THSD7A: variants seen among roughly 807,000 people sequenced by gnomAD.
THSD7A encodes the protein thrombospondin type-1 domain-containing protein 7A.
THSD7A carries 96 observed loss-of-function variants against 231.3 expected under a neutral mutation model. That is an observed-to-expected ratio of 0.41 (90% CI 0.35 to 0.49). The LOEUF is 0.49. THSD7A is among the 20% of genes least tolerant of loss of function. The pLI is 0.05. For missense variants in THSD7A, 2,290 were observed against 2,070.2 expected, an observed-to-expected ratio of 1.11 and a Z score of -2.06; for synonymous variants, 940 against 743.3, an observed-to-expected ratio of 1.26 and a Z score of -4.30.
At chr7:11,688,358 C>T (rs1780126696) in intron 1 of THSD7A, among the ~76,000 whole-genome samples, 1 of 151,784 alleles carries the variant, frequency 6.6e-6, no homozygotes, top group African/African-American at 2.4e-5. Context: ...TGGGGCCCAA[C>T]AATCAATACT....
intron 1 of THSD7A, among the ~76,000 whole-genome samples, chr7:11,745,155 T>G (rs1225181879): frequency 6.6e-6 from 1 of 152,160 alleles, no homozygotes; most frequent in Non-Finnish European, 1.5e-5. Flanking sequence ...TGAGATGGTA[T>G]CTCATTGTGG....
At position 11,383,558 on chromosome 7, in the gene THSD7A, T is replaced by C. The variant is rs140880242; in HGVS notation, c.4412-942A>G. On this transcript the variant is annotated intron_variant, in intron 23 of 27. Transcript: ENST00000423059. Reference sequence around the variant, plus strand: ...AGGTGACAATTTACAAATCCATCAGTAGTGCATAAAGACTGCCATTGCTCT... The same window carrying C: ...AGGTGACAATTTACAAATCCATCAGCAGTGCATAAAGACTGCCATTGCTCT... Among the ~76,000 whole-genome samples the C allele has an allele frequency of 1.8e-3, 271 of 152,088 alleles. 1 individual carries two copies. The highest frequency in any genetic ancestry group is 0.01 in the Middle Eastern group (3 of 294).
intron 23 of THSD7A, among the ~76,000 whole-genome samples, chr7:11,390,551 G>A (rs1349793754): frequency 6.6e-6 from 1 of 152,180 alleles, no homozygotes; most frequent in African/African-American, 2.4e-5. Flanking sequence ...GTTAGAACAT[G>A]CTCTTTTAGC....
chr7:11,821,316 GT>G, intron 1 of THSD7A: 2 of 779,448 alleles, frequency 2.6e-6, no homozygotes, highest in South Asian at 2.7e-5. Flanking sequence ...CAACAGTTTT[GT>G]TCTTAATTTC....
At chr7:11,717,743 T>G (rs758873143) in intron 1 of THSD7A, among the ~76,000 whole-genome samples, 16 of 151,656 alleles carry the variant, frequency 1.1e-4, no homozygotes, top group Non-Finnish European at 1.9e-4. Context: ...GATTCTTGTC[T>G]CTTGCTTGGT....
chr7:11,424,850 A>G, intron 15 of THSD7A, 21 bp from the exon 16 acceptor site: 1 of 1,612,198 alleles, frequency 6.2e-7, no homozygotes, highest in Non-Finnish European at 8.5e-7. Flanking sequence ...CATGGTTCTC[A>G]GCAATCTCAG....
intron 6 of THSD7A, among the ~76,000 whole-genome samples, chr7:11,518,533 T>C (rs569458548): frequency 4.7e-4 from 72 of 151,954 alleles, no homozygotes; most frequent in African/African-American, 1.7e-3. Flanking sequence ...GTAAACGAGG[T>C]AAGACAAGAA....
In THSD7A at chr7:11,431,351, T is replaced by C. The variant is rs540075244; in HGVS notation, c.3065-2226A>G. Among the ~76,000 whole-genome samples, 69 of 152,294 alleles carry C rather than the reference T, an allele frequency of 4.5e-4. 1 individual carries two copies. The highest frequency in any genetic ancestry group is 1.7e-3 in the African/African-American group (69 of 41,582). On this transcript the variant is annotated intron_variant, in intron 13 of 27. Transcript: ENST00000423059. Reference sequence around the variant, plus strand: ...TTTAGCTCTTATATTTAGGTGTATGTTTCATTTTGAGTGAATTTTTGTTTA... The same window carrying C: ...TTTAGCTCTTATATTTAGGTGTATGCTTCATTTTGAGTGAATTTTTGTTTA...
intron 1 of THSD7A, among the ~76,000 whole-genome samples, chr7:11,713,785 C>T (rs1014224040): frequency 2.0e-5 from 3 of 151,174 alleles, no homozygotes; most frequent in African/African-American, 7.3e-5. Context: ...TCTCTTGTCA[C>T]TTAAACTGCA....
At chr7:11,613,109 G>A (rs192971452) in intron 2 of THSD7A, among the ~76,000 whole-genome samples, 2 of 152,306 alleles carry the variant, frequency 1.3e-5, no homozygotes, top group East Asian at 1.9e-4. Context: ...GAGTGTTAGA[G>A]GTGGGAAATA....
chr7:11,444,637 A>T lies in THSD7A; in HGVS notation c.3064+1424T>A, dbSNP rs2128293958. ...GGCAGTGGAGGGATAGCATCAGGAG[A>T]AATACCTAATGTAGATGACGGGTTG... On this transcript the variant is annotated intron_variant, in intron 13 of 27. Coordinates refer to ENST00000423059, the MANE Select transcript of THSD7A (RefSeq NM_015204.3). The surrounding 1 kb of genome is among the most constrained non-coding windows in gnomAD (Gnocchi z 4.2). 6.6e-6 allele frequency among the ~76,000 whole-genome samples: 1 copy of T among 151,876 alleles called. No homozygotes were observed. Among genetic ancestry groups the T allele is most frequent in the East Asian group, 1.9e-4 (1 of 5,130 alleles).
rs1175355781 is a variant in THSD7A at position 11,474,682 on chromosome 7, C to T, written c.2018-114G>A. The stretch of plus-strand genomic sequence containing the variant: ...AATAAAAAGTGACTTTTCTTCCCCA[C>T]ATCAAGTTCATAAATACACGCAATA... On this transcript the variant is annotated intron_variant, in intron 7 of 27. Transcript: ENST00000423059. The surrounding 1 kb of genome is among the most constrained non-coding windows in gnomAD (Gnocchi z 4.1). 2 of 786,026 alleles carry T rather than the reference C, an allele frequency of 2.5e-6. No homozygotes were observed. Among genetic ancestry groups the T allele is most frequent in the East Asian group, 2.7e-5 (1 of 36,470 alleles). The allele number at this position is 786,026 out of a possible 1,614,324, so 48.7% of individuals were successfully genotyped here.
At chr7:11,546,474 A>G (rs912811637) in intron 4 of THSD7A, among the ~76,000 whole-genome samples, 2 of 152,132 alleles carry the variant, frequency 1.3e-5, no homozygotes, top group Non-Finnish European at 2.9e-5. Flanking sequence ...GCCACCTGAA[A>G]TCACCCGGAA....
chr7:11,524,106 T>C (rs114389366), intron 6 of THSD7A, among the ~76,000 whole-genome samples: 1,967 of 152,276 alleles, frequency 0.013, 46 homozygotes, highest in African/African-American at 0.045. Flanking sequence ...TCCCATCAAT[T>C]TGTATTTCTT....
chr7:11,387,864 T>C (rs1254385235), intron 23 of THSD7A, among the ~76,000 whole-genome samples: 1 of 151,876 alleles, frequency 6.6e-6, no homozygotes, highest in African/African-American at 2.4e-5. Flanking sequence ...ATAGCTCTTA[T>C]TATTTTGAGA....
chr7:11,448,072 C>G (rs1194631237), intron 11 of THSD7A, among the ~76,000 whole-genome samples: 1 of 152,106 alleles, frequency 6.6e-6, no homozygotes, highest in African/African-American at 2.4e-5. Flanking sequence ...CCTCTTTCTA[C>G]AAGTTCTTCA....
chr7:11,534,283 C>T (rs757152647), intron 6 of THSD7A, among the ~76,000 whole-genome samples: 3 of 152,156 alleles, frequency 2.0e-5, no homozygotes, highest in Non-Finnish European at 2.9e-5. Context: ...TTTTCCTACT[C>T]ATTAAATCTG....
intron 11 of THSD7A, among the ~76,000 whole-genome samples, chr7:11,449,030 A>G (rs1785062843): frequency 6.6e-6 from 1 of 151,970 alleles, no homozygotes; most frequent in South Asian, 2.1e-4. Context: ...CACATCTGGT[A>G]CTCTGTTTAA....
At chr7:11,600,695 A>C (rs1433172303) in intron 2 of THSD7A, among the ~76,000 whole-genome samples, 8 of 152,324 alleles carry the variant, frequency 5.3e-5, no homozygotes, top group Non-Finnish European at 1.2e-4. Context: ...CCAATGGGAA[A>C]ATGCACTGAT....
Sources: gnomAD v4.1 joint callset for allele counts (sites outside exome capture counted in the v4.1 genomes callset) on GRCh38, gnomAD v4.1.1 for gene constraint, Gnocchi (gnomAD v3.1) non-coding constraint, MANE v1.5 for transcripts, NCBI Gene and HGNC (gene_info 2026-07-23, HGNC 2026-07-21) for gene names.